ANKRD30B: variants seen among roughly 807,000 people sequenced by gnomAD.
ANKRD30B encodes ankyrin repeat domain 30B.
In ANKRD30B, 144 loss-of-function variants were observed where a neutral mutation model predicts 202.2. The observed-to-expected ratio is 0.71, with a 90% CI of 0.62 to 0.82. ANKRD30B has a LOEUF of 0.82. Ranked by LOEUF, ANKRD30B falls within the 40% of genes least tolerant of loss-of-function variation. The pLI is 0.00. For synonymous variants in ANKRD30B, 508 were observed against 561.3 expected, an observed-to-expected ratio of 0.91 and a Z score of 1.34; for missense variants, 1,487 against 1,669.1, an observed-to-expected ratio of 0.89 and a Z score of 1.90.
At chr18:14,791,878 AT>A (rs1968536589) in intron 16 of ANKRD30B, among the ~76,000 whole-genome samples, 1 of 152,218 alleles carries the variant, frequency 6.6e-6, no homozygotes, top group African/African-American at 2.4e-5. Context: ...AAGATTGGGC[AT>A]GGTTAGAAAT....
intron 43 of ANKRD30B, among the ~76,000 whole-genome samples, 113 bp downstream of exon 43, chr18:14,854,056 T>C (rs191364765): frequency 6.7e-4 from 102 of 152,370 alleles, no homozygotes; most frequent in Middle Eastern, 3.4e-3. Flanking sequence ...AATTGTTTTA[T>C]GATACTAATA....
chr18:14,806,165 A>T (rs1445153095), intron 24 of ANKRD30B, among the ~76,000 whole-genome samples: 72 of 149,768 alleles, frequency 4.8e-4, no homozygotes, highest in African/African-American at 1.7e-3. Context: ...GCTTACAGTC[A>T]GCCCAGATCT....
chr18:14,806,844 T>G (rs1969554422), intron 24 of ANKRD30B, among the ~76,000 whole-genome samples: 2 of 150,330 alleles, frequency 1.3e-5, no homozygotes, highest in African/African-American at 4.9e-5. Flanking sequence ...TTATCATATT[T>G]TTACCTAAAA....
At chr18:14,820,838 T>A (rs1255508366) in intron 30 of ANKRD30B, among the ~76,000 whole-genome samples, 1 of 152,202 alleles carries the variant, frequency 6.6e-6, no homozygotes, top group Admixed American at 6.5e-5. Context: ...TTCTGTTGTG[T>A]CTCTGCCCGG....
At chr18:14,893,019 C>CCT in the ANKRD30B span, among the ~76,000 whole-genome samples, 447 of 152,168 alleles carry the variant, frequency 2.9e-3, 1 homozygote, top group Non-Finnish European at 5.0e-3. Flanking sequence ...TGTAAAGATT[C>CCT]TACGTTTAGC....
chr18:14,886,275 C>G, the ANKRD30B span, among the ~76,000 whole-genome samples: 1 of 151,926 alleles, frequency 6.6e-6, no homozygotes, highest in African/African-American at 2.4e-5. Flanking sequence ...GCTGCATGAC[C>G]TTAGGTTTAT....
At chr18:14,815,561 A>T (rs1388220057) in intron 30 of ANKRD30B, among the ~76,000 whole-genome samples, 1 of 152,110 alleles carries the variant, frequency 6.6e-6, no homozygotes, top group Non-Finnish European at 1.5e-5. Context: ...AATGTGGAAG[A>T]AGAGTAATTG....
the ANKRD30B span, among the ~76,000 whole-genome samples, chr18:14,880,716 C>T: frequency 1.3e-5 from 2 of 151,954 alleles, no homozygotes; most frequent in African/African-American, 2.4e-5. Context: ...TAGGCATGCA[C>T]CACCGTGCTT....
chr18:14,864,553 C>T, the ANKRD30B span, among the ~76,000 whole-genome samples: 1 of 151,794 alleles, frequency 6.6e-6, no homozygotes, highest in Non-Finnish European at 1.5e-5. Context: ...TTTTGCAAAG[C>T]CTTCTATACT....
chr18:14,818,580 C>T (rs1970243686), intron 30 of ANKRD30B, among the ~76,000 whole-genome samples: 1 of 138,004 alleles, frequency 7.2e-6, no homozygotes. Context: ...TCTCATTGTT[C>T]ATTTCCCACC....
At position 14,808,243 on chromosome 18, in the gene ANKRD30B, C is replaced by T. The variant is rs913853665; in HGVS notation, c.2285-308C>T. The T allele has an allele frequency of 3.2e-4, 113 of 351,886 alleles. 1 individual carries two copies. The highest frequency in any genetic ancestry group is 1.4e-3 in the South Asian group (55 of 39,750). The allele number at this position is 351,886 out of a possible 1,614,324, so 21.8% of individuals were successfully genotyped here. A position where few individuals can be genotyped will look rare whatever the true frequency, so the allele number is the denominator to read the frequency against. On this transcript the variant is annotated intron_variant, in intron 24 of 43. Coordinates refer to ENST00000690538, the MANE Select transcript of ANKRD30B (RefSeq NM_001367607.2). Reference sequence around the variant, plus strand: ...TCATCTTAATAAATTCAACTTCTTTCCCTATACGGCAGATTAATCTTACTG... The same window carrying T: ...TCATCTTAATAAATTCAACTTCTTTTCCTATACGGCAGATTAATCTTACTG...
At chr18:14,869,110 T>A in the ANKRD30B span, among the ~76,000 whole-genome samples, 1 of 152,228 alleles carries the variant, frequency 6.6e-6, no homozygotes, top group African/African-American at 2.4e-5. Context: ...CTATTCTAAA[T>A]GGTCGCCTCT....
chr18:14,828,555 G>C (rs1365586169), intron 33 of ANKRD30B, among the ~76,000 whole-genome samples: 1 of 152,172 alleles, frequency 6.6e-6, no homozygotes, highest in Non-Finnish European at 1.5e-5. Context: ...CTAAAAAGTA[G>C]CTGACCCTTG....
chr18:14,819,885 T>C (rs1302309059), intron 30 of ANKRD30B, among the ~76,000 whole-genome samples: 2 of 152,148 alleles, frequency 1.3e-5, no homozygotes, highest in African/African-American at 4.8e-5. Flanking sequence ...AGTAGTTTTT[T>C]CCAATTCTGT....
At chr18:14,795,542 G>A (rs1968816987) in intron 16 of ANKRD30B, among the ~76,000 whole-genome samples, 1 of 152,014 alleles carries the variant, frequency 6.6e-6, no homozygotes, top group Admixed American at 6.6e-5. Flanking sequence ...CTGTATAAGT[G>A]GATCAGGAAA....
chr18:14,930,899 G>A, the ANKRD30B span, among the ~76,000 whole-genome samples: 1 of 152,192 alleles, frequency 6.6e-6, no homozygotes, highest in South Asian at 2.1e-4. Flanking sequence ...TCAGGAGTTT[G>A]GTGCTGGCCT....
the ANKRD30B span, among the ~76,000 whole-genome samples, chr18:14,922,908 G>A: frequency 6.6e-6 from 1 of 152,128 alleles, no homozygotes; most frequent in African/African-American, 2.4e-5. Flanking sequence ...AGAAGACTTG[G>A]TTTTGCATCT....
At chr18:14,831,571 GT>G (rs1970941555) in intron 34 of ANKRD30B, 116 bp downstream of exon 34, 1 of 532,424 alleles carries the variant, frequency 1.9e-6, no homozygotes, top group African/African-American at 2.0e-5. Context: ...GTAATATAAA[GT>G]TGGTCACATA....
chr18:14,843,249 T>C (rs1437904440), intron 39 of ANKRD30B, among the ~76,000 whole-genome samples, 153 bp downstream of exon 39: 1 of 152,150 alleles, frequency 6.6e-6, no homozygotes, highest in Non-Finnish European at 1.5e-5. Flanking sequence ...ACTGATTACT[T>C]ACAAGAACAC....
Sources: allele counts gnomAD v4.1 joint callset (sites outside exome capture counted in the v4.1 genomes callset), GRCh38; gene constraint gnomAD v4.1.1; transcripts MANE v1.5; gene names NCBI Gene and HGNC (gene_info 2026-07-23, HGNC 2026-07-21).